The following RNF4 variants were observed in gnomAD, a reference collection of about 807,000 sequenced individuals.
The protein encoded by RNF4 is ring finger protein 4.
In RNF4, 7 loss-of-function variants were observed where a neutral mutation model predicts 24.3. The ratio of observed to expected loss-of-function variants is 0.29; its 90% CI spans 0.16 to 0.54. The LOEUF (loss-of-function observed/expected upper bound fraction) is 0.54, where lower values mean the gene tolerates loss of function less well. Ranked by LOEUF, RNF4 falls within the 20% of genes least tolerant of loss-of-function variation. The probability of loss-of-function intolerance (pLI) is 0.95; values close to 1 mark genes in which losing one functional copy is unlikely to be tolerated. For synonymous variants in RNF4, 83 were observed against 84.3 expected (o/e 0.98, Z 0.09); for missense variants, 209 against 248.5 (o/e 0.84, Z 1.07).
chr4:2,470,726 C>G (rs1202022472), intron 1 of RNF4, among the ~76,000 whole-genome samples: 1 of 152,086 alleles, frequency 6.6e-6, no homozygotes, highest in Non-Finnish European at 1.5e-5. Flanking sequence ...GCCAACCTTT[C>G]TGCTTGGAAT....
chr4:2,497,846 G>A (rs1471202454), intron 3 of RNF4, among the ~76,000 whole-genome samples: 1 of 152,094 alleles, frequency 6.6e-6, no homozygotes, highest in East Asian at 1.9e-4. Context: ...ATGTTAGCCA[G>A]GATGGTCTCG....
chr4:2,484,067 T>G (rs866824475), intron 1 of RNF4, among the ~76,000 whole-genome samples: 1 of 13,248 alleles, frequency 7.5e-5, no homozygotes, highest in African/African-American at 3.3e-4. Flanking sequence ...CCTCAGGTGA[T>G]CCCCCCCCGC....
At chr4:2,504,336 C>T (rs943014404) in intron 4 of RNF4, among the ~76,000 whole-genome samples, 6 of 152,168 alleles carry the variant, frequency 3.9e-5, no homozygotes, top group Non-Finnish European at 7.3e-5. Context: ...AGTTCACATT[C>T]ATGCCAGTGT....
chr4:2,474,700 A>G (rs1317464179), intron 1 of RNF4, among the ~76,000 whole-genome samples: 2 of 152,156 alleles, frequency 1.3e-5, no homozygotes, highest in Non-Finnish European at 2.9e-5. Context: ...AAAGGAAGAG[A>G]CAACTGATGC....
rs756960636 is a variant in RNF4, at chr4:2,512,373, A to G, written c.215-65A>G. On this transcript the variant is annotated intron_variant, in intron 5 of 7. Coordinates refer to ENST00000314289, the MANE Select transcript of RNF4 (RefSeq NM_002938.5). This position sits in a 1 kb window ranked among gnomAD's most constrained non-coding sequence, Gnocchi z 4.1. ...GAAGAGGGTCTTAAGAGGCGTCAGG[A>G]TGGGAGTGGTGAGGATGGTAAGAGT... The G allele has an allele frequency of 3.2e-6, 5 of 1,541,202 alleles. No homozygotes were observed. Among genetic ancestry groups the G allele is most frequent in the Non-Finnish European group, 4.4e-6 (5 of 1,135,900 alleles).
intron 2 of RNF4, 52 bp from the exon 3 acceptor site, chr4:2,496,955 A>G (rs1735755296): frequency 7.3e-7 from 1 of 1,377,100 alleles, no homozygotes; most frequent in African/African-American, 1.4e-5. Flanking sequence ...TTCTTCCTGA[A>G]ACCCTGACAT....
At position 2,515,850 on chromosome 4, in the gene RNF4, G is replaced by A. The variant is rs1736400776; in HGVS notation, c.*2031G>A. 1.3e-5 allele frequency: 2 copies of A among 152,520 alleles called. No individual in the cohort carries two copies. The highest frequency in any genetic ancestry group is 6.6e-5 in the Admixed American group (1 of 15,256). 9.4% of individuals were successfully genotyped at this position (152,520 alleles called of 1,614,324 possible). On this transcript the variant is annotated 3_prime_UTR_variant, in exon 8 of 8. Coordinates refer to ENST00000314289, the MANE Select transcript of RNF4 (RefSeq NM_002938.5). ...CAGATGGAAATAAAACCATTAATTT[G>A]AACCAAATATCTTTTACACATTCAT...
intron 1 of RNF4, among the ~76,000 whole-genome samples, chr4:2,479,042 A>T (rs1205563464): frequency 2.0e-5 from 3 of 152,230 alleles, no homozygotes; most frequent in Non-Finnish European, 4.4e-5. Flanking sequence ...GATCAGCGTG[A>T]CCTGGATGTG....
At chr4:2,472,601 TAA>T (rs80169458) in intron 1 of RNF4, among the ~76,000 whole-genome samples, 1,735 of 135,544 alleles carry the variant, frequency 0.013, 27 homozygotes, top group African/African-American at 0.034. Context: ...GCCAGTCTCT[TAA>T]AAAAAAAAAA....
chr4:2,470,617 T>C (rs1578492460), intron 1 of RNF4, among the ~76,000 whole-genome samples: 1 of 152,224 alleles, frequency 6.6e-6, no homozygotes, highest in Non-Finnish European at 1.5e-5. Context: ...ACTATTTCTT[T>C]TTATATAATG....
intron 1 of RNF4, among the ~76,000 whole-genome samples, chr4:2,473,797 C>G (rs533894215): frequency 4.6e-5 from 7 of 151,130 alleles, no homozygotes; most frequent in Admixed American, 6.6e-5. Flanking sequence ...GGCGACAGAG[C>G]GAGACTCTGT....
At chr4:2,498,286 C>G (rs1319664578) in intron 3 of RNF4, among the ~76,000 whole-genome samples, 1 of 152,074 alleles carries the variant, frequency 6.6e-6, no homozygotes, top group Non-Finnish European at 1.5e-5. Context: ...CAGGTTTAAG[C>G]AAGTCTCCTG....
intron 3 of RNF4, chr4:2,499,439 G>A (rs980854487): frequency 3.0e-5 from 10 of 332,910 alleles, no homozygotes; most frequent in South Asian, 1.1e-4. Context: ...ACCACACCTC[G>A]CTAATTTTGT....
At chr4:2,480,686 G>A (rs1424811066) in intron 1 of RNF4, 1 of 152,206 alleles carries the variant, frequency 6.6e-6, no homozygotes, top group Non-Finnish European at 1.5e-5. Context: ...ATTTAAGGGA[G>A]TATAGAAGAA....
intron 4 of RNF4, among the ~76,000 whole-genome samples, chr4:2,508,177 G>A (rs1211532828): frequency 1.3e-5 from 2 of 152,216 alleles, no homozygotes; most frequent in African/African-American, 4.8e-5. Context: ...TCTTGGGCTA[G>A]CTTACCACAG....
rs1317698928 is a variant in RNF4, at chr4:2,490,500, A to G, written c.7A>G (p.Thr3Ala). The change falls in exon 2 of 8, where the codon ACA becomes GCA. Residue 3 changes from threonine to alanine, a missense_variant and splice_region_variant. Thr to Ala is a moderately conservative substitution (Grantham distance 58). Around this residue, in one of 3 missense-constraint regions of RNF4, gnomAD observed 182 missense variants for 197.2 expected, o/e 0.92. Coordinates refer to ENST00000314289, the MANE Select transcript of RNF4 (RefSeq NM_002938.5). MS[T>A]RKRRGGAINS... ...AAAGGCACCAAAGAGCACAATGAGT[A>G]CAGTAAGTTTTATCATCTCTTGAAT... is the stretch of plus-strand genomic sequence containing the variant. 6.2e-7 allele frequency: 1 copy of G among 1,612,286 alleles called. No homozygotes were observed. Among genetic ancestry groups the G allele is most frequent in the Non-Finnish European group, 8.5e-7 (1 of 1,179,148 alleles).
intron 1 of RNF4, among the ~76,000 whole-genome samples, chr4:2,473,551 G>A (rs189091665): frequency 3.9e-5 from 6 of 152,148 alleles, no homozygotes; most frequent in Non-Finnish European, 8.8e-5. Context: ...GGTGGCTCAC[G>A]CCTGTAATCT....
intron 4 of RNF4, among the ~76,000 whole-genome samples, chr4:2,502,397 G>T (rs1186500675): frequency 6.6e-6 from 1 of 152,054 alleles, no homozygotes; most frequent in Non-Finnish European, 1.5e-5. Context: ...TTAGAAACAG[G>T]GTCTCAGGCT....
At chr4:2,485,252 A>G (rs982776894) in intron 1 of RNF4, among the ~76,000 whole-genome samples, 8 of 152,110 alleles carry the variant, frequency 5.3e-5, no homozygotes, top group Non-Finnish European at 8.8e-5. Context: ...GCCGCCTTTC[A>G]GTTCCCCAGC....
Sources: gnomAD v4.1 joint callset for allele counts (sites outside exome capture counted in the v4.1 genomes callset) on GRCh38, gnomAD v4.1.1 for gene constraint, gnomAD v4.1.1 regional missense constraint, Gnocchi (gnomAD v3.1) non-coding constraint, MANE v1.5 for transcripts, NCBI Gene and HGNC (gene_info 2026-07-23, HGNC 2026-07-21) for gene names.